The following SIL1 variants were observed in gnomAD, a reference collection of about 807,000 sequenced individuals.
SIL1 encodes nucleotide exchange factor SIL1.
SIL1 carries 40 observed loss-of-function variants against 49.1 expected under a neutral mutation model. The observed-to-expected ratio is 0.81, with a 90% CI of 0.63 to 1.06. The LOEUF (loss-of-function observed/expected upper bound fraction) is 1.06. Among genes scored for constraint, SIL1 ranks in the 50% least tolerant of loss-of-function variants. SIL1 has a pLI of 0.00. For missense variants in SIL1, 500 were observed against 572.6 expected, an observed-to-expected ratio of 0.87 and a Z score of 1.29; for synonymous variants, 253 against 250.8, an observed-to-expected ratio of 1.01 and a Z score of -0.08.
chr5:139,013,387 T>G (rs933270603), intron 7 of SIL1, among the ~76,000 whole-genome samples: 1 of 152,210 alleles, frequency 6.6e-6, no homozygotes, highest in South Asian at 2.1e-4. Flanking sequence ...AGATTTTCAT[T>G]TTTCTAATTA....
intron 1 of SIL1, among the ~76,000 whole-genome samples, chr5:139,159,563 GA>G (rs200818412): frequency 2.5e-4 from 37 of 150,406 alleles, no homozygotes; most frequent in African/African-American, 7.5e-4. Context: ...GCTTCTTGGG[GA>G]AAAAAAAAAT....
chr5:139,031,229 T>C (rs1326937602), intron 5 of SIL1, among the ~76,000 whole-genome samples: 6 of 152,198 alleles, frequency 3.9e-5, no homozygotes, highest in African/African-American at 7.2e-5. Flanking sequence ...CTATGTTTCA[T>C]TCTAGAAGAT....
chr5:139,152,766 G>A (rs1036063376), intron 1 of SIL1, among the ~76,000 whole-genome samples: 1 of 151,822 alleles, frequency 6.6e-6, no homozygotes, highest in African/African-American at 2.4e-5. Flanking sequence ...TTCCATACTC[G>A]CAACCTGCCA....
chr5:139,094,828 T>G (rs1286350750), intron 3 of SIL1, among the ~76,000 whole-genome samples: 1 of 152,230 alleles, frequency 6.6e-6, no homozygotes, highest in Non-Finnish European at 1.5e-5. Flanking sequence ...AATACCACAA[T>G]GCATTTACAT....
At chr5:138,969,924 A>C (rs1244066938) in intron 7 of SIL1, among the ~76,000 whole-genome samples, 1 of 152,152 alleles carries the variant, frequency 6.6e-6, no homozygotes, top group Non-Finnish European at 1.5e-5. Flanking sequence ...AGGCACAATA[A>C]ATTTAGCACC....
At chr5:139,064,372 G>C (rs1205873141) in intron 3 of SIL1, among the ~76,000 whole-genome samples, 2 of 152,184 alleles carry the variant, frequency 1.3e-5, no homozygotes, top group Non-Finnish European at 2.9e-5. Flanking sequence ...GTGTGTGCAG[G>C]GATCAGGGAG....
At chr5:139,002,456 T>C (rs1768008474) in intron 7 of SIL1, among the ~76,000 whole-genome samples, 1 of 152,100 alleles carries the variant, frequency 6.6e-6, no homozygotes, top group South Asian at 2.1e-4. Flanking sequence ...AATAAATAAA[T>C]ACTCATTGCA....
chr5:139,133,667 G>C (rs1750914525), intron 1 of SIL1, among the ~76,000 whole-genome samples: 1 of 152,202 alleles, frequency 6.6e-6, no homozygotes, highest in Non-Finnish European at 1.5e-5. Flanking sequence ...ACTGGAAAAG[G>C]TTCTAAGTGT....
chr5:139,026,685 G>A, intron 6 of SIL1, 116 bp downstream of exon 6: 1 of 942,948 alleles, frequency 1.1e-6, no homozygotes, highest in Non-Finnish European at 1.7e-6. Flanking sequence ...ATTAAAAATA[G>A]TCTGTGCTCT....
intron 3 of SIL1, among the ~76,000 whole-genome samples, chr5:139,087,390 A>C (rs1221205103): frequency 2.0e-5 from 3 of 152,164 alleles, no homozygotes; most frequent in African/African-American, 7.2e-5. Context: ...CCACAAGGAC[A>C]TTGAAAGACT....
chr5:139,023,068 G>A (rs1323839747), intron 6 of SIL1, among the ~76,000 whole-genome samples: 1 of 152,188 alleles, frequency 6.6e-6, no homozygotes, highest in African/African-American at 2.4e-5. Flanking sequence ...CTGTTCTAGA[G>A]TCAGTTTATC....
intron 3 of SIL1, among the ~76,000 whole-genome samples, chr5:139,112,116 G>A (rs1770864165): frequency 6.6e-6 from 1 of 152,246 alleles, no homozygotes; most frequent in African/African-American, 2.4e-5. Flanking sequence ...CGAGGTGCCG[G>A]GATTGCAGAC....
intron 6 of SIL1, among the ~76,000 whole-genome samples, chr5:139,025,971 C>T (rs753950759): frequency 2.0e-5 from 3 of 152,118 alleles, no homozygotes; most frequent in Admixed American, 2.0e-4. Context: ...CCAGATTTGA[C>T]CTATGGGCAG....
intron 3 of SIL1, among the ~76,000 whole-genome samples, chr5:139,055,614 C>CCCTCTCCCCT (rs1418365900): frequency 7.9e-5 from 9 of 113,212 alleles, no homozygotes; most frequent in Non-Finnish European, 1.7e-4. Flanking sequence ...CTCCCTCTCC[C>CCCTCTCCCCT]TCTCCCCCTC....
intron 9 of SIL1, among the ~76,000 whole-genome samples, chr5:138,949,922 T>G (rs1291011842): frequency 6.6e-6 from 1 of 152,130 alleles, no homozygotes; most frequent in Admixed American, 6.5e-5. Context: ...TGGCTGAAAT[T>G]TATCTGCTGT....
intron 4 of SIL1, among the ~76,000 whole-genome samples, chr5:139,046,299 C>T (rs1281615420): frequency 6.6e-6 from 1 of 151,972 alleles, no homozygotes; most frequent in African/African-American, 2.4e-5. Flanking sequence ...TGCACTCCAG[C>T]CTGGGTAGCA....
intron 3 of SIL1, among the ~76,000 whole-genome samples, chr5:139,109,570 G>A (rs1770796290): frequency 6.6e-6 from 1 of 151,862 alleles, no homozygotes; most frequent in African/African-American, 2.4e-5. Flanking sequence ...GAAAAGCAAT[G>A]AGATCTGAAG....
At chr5:139,160,311 A>G (rs1450983455) in intron 1 of SIL1, among the ~76,000 whole-genome samples, 1 of 152,180 alleles carries the variant, frequency 6.6e-6, no homozygotes, top group East Asian at 1.9e-4. Flanking sequence ...GAAACAACAC[A>G]GGGGCCAGGA....
At chr5:139,038,304 G>A (rs11958414) in intron 5 of SIL1, among the ~76,000 whole-genome samples, 7,256 of 152,232 alleles carry the variant, frequency 0.048, 229 homozygotes, top group Non-Finnish European at 0.076. Flanking sequence ...ATTAAGTTAT[G>A]AAATTCCAGA....
Sources: gnomAD v4.1 joint callset for allele counts (sites outside exome capture counted in the v4.1 genomes callset) on GRCh38, gnomAD v4.1.1 for gene constraint, MANE v1.5 for transcripts, NCBI Gene and HGNC (gene_info 2026-07-23, HGNC 2026-07-21) for gene names.